Variants in ZNF208 observed in about 807,000 individuals in gnomAD.
The protein encoded by ZNF208 is zinc finger protein 95.
ZNF208 carries 10 observed loss-of-function variants against 12.1 expected under a neutral mutation model. The ratio of observed to expected loss-of-function variants is 0.83; its 90% CI spans 0.51 to 1.40. The LOEUF (loss-of-function observed/expected upper bound fraction) is 1.40. Ranked by LOEUF, ZNF208 falls within the 40% of genes most tolerant of loss-of-function variation. The pLI, the probability that ZNF208 is intolerant of heterozygous loss-of-function variation, is 0.00. For synonymous variants in ZNF208, 497 were observed against 488.4 expected, an observed-to-expected ratio of 1.02 and a Z score of -0.23; for missense variants, 1,652 against 1,485.0, an observed-to-expected ratio of 1.11 and a Z score of -1.85.
Position 21,971,524 on chromosome 19 carries a change from T to C in ZNF208, c.3510A>G (p.Lys1170=), listed in dbSNP as rs892529357. ...CAAAGCCTTTGCCACATTCTTCACA[T>C]TTGTAGGGTTTCTCTACAGTATGAA... is the stretch of plus-strand genomic sequence containing the variant. ...KKIHTVEKPY[K]CEECGKGFVM... is the part of the protein sequence containing the mutation. The change falls in exon 4 of 4, where the codon AAA becomes AAG. Residue 1170 remains lysine, a synonymous_variant. Coordinates refer to ENST00000397126, the MANE Select transcript of ZNF208 (RefSeq NM_007153.3). 6.2e-7 allele frequency: 1 copy of C among 1,611,036 alleles called. No homozygotes were observed. Among genetic ancestry groups the C allele is most frequent in the Non-Finnish European group, 8.5e-7 (1 of 1,179,824 alleles).
rs1410737186 is a variant in ZNF208 at position 21,974,344 on chromosome 19, T to G, written c.690A>C (p.Arg230Ser). 3 of 1,613,740 alleles carry G rather than the reference T, an allele frequency of 1.9e-6. No individual in the cohort carries two copies. Among genetic ancestry groups the G allele is most frequent in the Non-Finnish European group, 2.5e-6 (3 of 1,179,774 alleles). ...KSAHTGEKPY[R>S]CKECGKAFSK... The stretch of plus-strand genomic sequence containing the variant: ...TAAAGGCTTTGCCACATTCTTTACA[T>G]CTGTAGGGTTTCTCTCCAGTATGAG... The change falls in exon 4 of 4, where the codon AGA (arginine) becomes AGC (serine). Residue 230 changes from arginine (R) to serine (S), a missense_variant. Physicochemically the swap from Arg to Ser is moderately radical, Grantham distance 110. This residue lies in a region of ZNF208 where 410 missense variants were observed against 378.2 expected (regional missense o/e 1.08). Transcript: ENST00000397126.
intron 3 of ZNF208, among the ~76,000 whole-genome samples, chr19:21,983,371 T>C (rs917598979): frequency 5.0e-5 from 7 of 139,364 alleles, no homozygotes; most frequent in Non-Finnish European, 1.1e-4. Flanking sequence ...GCTGGAGATG[T>C]GGAGAAGTAG....
intron 1 of ZNF208, among the ~76,000 whole-genome samples, chr19:22,000,198 A>G (rs1970919364): frequency 1.3e-5 from 2 of 152,214 alleles, no homozygotes. Context: ...TCAACACTTG[A>G]CCAAACAGTC....
At chr19:21,963,502 A>G (rs1474885052), downstream of ZNF208, among the ~76,000 whole-genome samples, 2 of 152,040 alleles carry the variant, frequency 1.3e-5, no homozygotes, top group Admixed American at 6.6e-5. Flanking sequence ...TCTGAGTCAC[A>G]CAGGGGAAAT....
chr19:21,962,005 C>T (rs1970079296), downstream of ZNF208, among the ~76,000 whole-genome samples: 1 of 152,086 alleles, frequency 6.6e-6, no homozygotes, highest in Non-Finnish European at 1.5e-5. Flanking sequence ...TAAAGTAAGA[C>T]AGGTGAAAGA....
chr19:21,975,540 A>G (rs574326711), intron 3 of ZNF208, among the ~76,000 whole-genome samples: 190 of 152,304 alleles, frequency 1.2e-3, no homozygotes, highest in Non-Finnish European at 2.2e-3. Context: ...GCTACATTAT[A>G]AATTTTGTGA....
At chr19:21,945,055 A>G (rs1478887015) in intron 4 of ZNF208, among the ~76,000 whole-genome samples, 2 of 152,234 alleles carry the variant, frequency 1.3e-5, no homozygotes, top group African/African-American at 4.8e-5. Context: ...TAAAAAGCAC[A>G]CCTGTGGGTG....
At chr19:22,008,960 G>A (rs544395782) in intron 1 of ZNF208, among the ~76,000 whole-genome samples, 2 of 152,186 alleles carry the variant, frequency 1.3e-5, no homozygotes, top group African/African-American at 2.4e-5. Flanking sequence ...TAGCCATGGC[G>A]GGTATCTTAG....
At position 21,969,588 on chromosome 19, in the gene ZNF208, G is replaced by GA. The variant is rs1392659419; in HGVS notation, c.*1602dup. On this transcript the variant is annotated 3_prime_UTR_variant, in exon 4 of 4. Coordinates refer to ENST00000397126, the MANE Select transcript of ZNF208 (RefSeq NM_007153.3). ...TTGTGTTTTATAATCTGTAGTTTTT[G>GA]AAAAAATGTTTTTCCAAATTTATTA... 6.6e-6 allele frequency among the ~76,000 whole-genome samples: 1 copy of GA among 151,882 alleles called. No homozygotes were observed. The highest frequency in any genetic ancestry group is 1.5e-5 in the Non-Finnish European group (1 of 67,956).
At chr19:22,006,703 T>C (rs1157172575) in intron 1 of ZNF208, among the ~76,000 whole-genome samples, 2 of 152,166 alleles carry the variant, frequency 1.3e-5, no homozygotes, top group Admixed American at 1.3e-4. Context: ...AACCTTAGCT[T>C]GCAGTCATTA....
chr19:21,961,377 T>A (rs2522103), downstream of ZNF208, among the ~76,000 whole-genome samples: 461 of 152,038 alleles, frequency 3.0e-3, 4 homozygotes, highest in African/African-American at 0.011. Context: ...AAAGATCACA[T>A]GCTTCTGAGG....
rs1970305117 is a variant in ZNF208 at position 21,972,231 on chromosome 19, G to A, written c.2803C>T (p.His935Tyr). The A allele has an allele frequency of 6.2e-7, 1 of 1,613,112 alleles. No individual in the cohort carries two copies. Among genetic ancestry groups the A allele is most frequent in the African/African-American group, 1.3e-5 (1 of 74,688 alleles). ...TTCTCTCCAGCATGAGTTTTCTTAT[G>A]TTTACTAAAGACTGACAACCAGCTG... ...AFSWLSVFSK[H>Y]KKTHAGEKFY... Residue 935 changes from histidine (H) to tyrosine (Y), a missense_variant, in exon 4 of 4, where the codon CAT becomes TAT. By Grantham distance (83) the His-to-Tyr change is moderately conservative. This residue lies in a region of ZNF208 where 1,239 missense variants were observed against 1,086.2 expected (regional missense o/e 1.14). Transcript: ENST00000397126.
At chr19:21,993,989 C>A (rs946125288) in intron 1 of ZNF208, among the ~76,000 whole-genome samples, 6 of 152,206 alleles carry the variant, frequency 3.9e-5, no homozygotes, top group African/African-American at 1.4e-4. Context: ...CCTAATAACA[C>A]CCTTTCAGTT....
chr19:21,989,489 T>C lies in ZNF208; in HGVS notation c.4-580A>G, dbSNP rs566210956. ...TCTTAATCCAGTCTGTCATTGTTGG[T>C]CATTTGGGTTGGTTCCAAGTCTTTG... is the stretch of plus-strand genomic sequence containing the variant. On this transcript the variant is annotated intron_variant, in intron 1 of 3. Coordinates refer to ENST00000397126, the MANE Select transcript of ZNF208 (RefSeq NM_007153.3). Among the ~76,000 whole-genome samples the C allele has an allele frequency of 5.9e-5, 9 of 152,152 alleles. No individual in the cohort carries two copies. In the East Asian group the frequency reaches 1.7e-3, roughly 29 times the overall value.
At chr19:21,952,413 C>T (rs1261906218) in intron 4 of ZNF208, among the ~76,000 whole-genome samples, 1 of 152,152 alleles carries the variant, frequency 6.6e-6, no homozygotes, top group Non-Finnish European at 1.5e-5. Context: ...CGACAGATAC[C>T]TCATATAGGT....
At position 21,974,137 on chromosome 19, in the gene ZNF208, A is replaced by C; in HGVS notation, c.897T>G (p.Thr299=). 1 of 1,599,728 alleles carries C rather than the reference A, an allele frequency of 6.3e-7. No individual in the cohort carries two copies. The highest frequency in any genetic ancestry group is 8.5e-7 in the Non-Finnish European group (1 of 1,174,698). Residue 299 remains threonine, a synonymous_variant, in exon 4 of 4, where the codon ACT becomes ACG. Coordinates refer to ENST00000397126, the MANE Select transcript of ZNF208 (RefSeq NM_007153.3). ...CATGAATTGCCTTATGTGTAGTAAG[A>C]GTCGAGACCTTACTAAAGGCTTTGC... The part of the protein sequence containing the change: ...ECGKAFSKVS[T]LTTHKAIHAG...
chr19:21,975,908 AAAC>A (rs891948119), intron 3 of ZNF208, among the ~76,000 whole-genome samples: 2 of 96,746 alleles, frequency 2.1e-5, no homozygotes, highest in African/African-American at 8.5e-5. Flanking sequence ...GGGGGAAAAA[AAAC>A]AACTTTCAAA....
rs1417152460 is a variant in ZNF208, at chr19:21,968,959, C to A, written c.*2232G>T. On this transcript the variant is annotated 3_prime_UTR_variant, in exon 4 of 4. Transcript: ENST00000397126. ...CAGGACTTTGGGTGGCCAAGGTGGG[C>A]ATATCATGAGGTCAGGAGATAGAGA... Among the ~76,000 whole-genome samples the A allele has an allele frequency of 6.6e-6, 1 of 152,024 alleles. No individual in the cohort carries two copies. Among genetic ancestry groups the A allele is most frequent in the Non-Finnish European group, 1.5e-5 (1 of 67,988 alleles).
At chr19:21,999,846 T>G (rs1437161323) in intron 1 of ZNF208, among the ~76,000 whole-genome samples, 1 of 152,200 alleles carries the variant, frequency 6.6e-6, no homozygotes, top group Non-Finnish European at 1.5e-5. Context: ...TTTATAAAAA[T>G]CAGCAAGTTA....
Sources: allele counts gnomAD v4.1 joint callset (sites outside exome capture counted in the v4.1 genomes callset), GRCh38; gene constraint gnomAD v4.1.1; regional missense constraint gnomAD v4.1.1; transcripts MANE v1.5; gene names NCBI Gene and HGNC (gene_info 2026-07-23, HGNC 2026-07-21).